Variants in GNA12 observed in about 807,000 individuals in gnomAD.
GNA12 encodes G protein subunit alpha 12.
A neutral mutation model predicts 26.0 loss-of-function variants in GNA12; 9 were observed. The ratio of observed to expected loss-of-function variants is 0.35; its 90% CI spans 0.21 to 0.60. GNA12 has a LOEUF of 0.60. GNA12 is among the 20% of genes least tolerant of loss of function. The pLI, the probability that GNA12 is intolerant of heterozygous loss-of-function variation, is 0.78. For synonymous variants in GNA12, 264 were observed against 219.6 expected, an observed-to-expected ratio of 1.20 and a Z score of -1.79; for missense variants, 405 against 525.8, an observed-to-expected ratio of 0.77 and a Z score of 2.25.
intron 2 of GNA12, 105 bp downstream of exon 2, chr7:2,794,823 T>C: frequency 2.5e-6 from 2 of 814,262 alleles, no homozygotes; most frequent in Admixed American, 4.0e-5. Flanking sequence ...ATTTAGAGCT[T>C]GCTTGGACTG....
intron 1 of GNA12, among the ~76,000 whole-genome samples, chr7:2,836,716 G>C (rs1182552765): frequency 6.6e-6 from 1 of 151,256 alleles, no homozygotes; most frequent in Non-Finnish European, 1.5e-5. Context: ...CTGAGGTCAG[G>C]AGTTCGAGAC....
At chr7:2,750,189 C>G in intron 2 of GNA12, among the ~76,000 whole-genome samples, 1 of 152,150 alleles carries the variant, frequency 6.6e-6, no homozygotes, top group Non-Finnish European at 1.5e-5. Flanking sequence ...CTCCCATCCT[C>G]ACAGCAGCGA....
intron 2 of GNA12, among the ~76,000 whole-genome samples, chr7:2,734,903 G>A (rs1409061176): frequency 6.6e-6 from 1 of 152,140 alleles, no homozygotes; most frequent in African/African-American, 2.4e-5. Context: ...GGAGTGCCAG[G>A]GTGAACGTAC....
chr7:2,806,130 T>C (rs1044338358), intron 1 of GNA12, among the ~76,000 whole-genome samples: 2 of 152,258 alleles, frequency 1.3e-5, no homozygotes, highest in African/African-American at 4.8e-5. Flanking sequence ...CTTACATTTG[T>C]GGCTCACATT....
intron 2 of GNA12, among the ~76,000 whole-genome samples, chr7:2,790,522 C>A (rs1015968863): frequency 1.2e-4 from 19 of 152,216 alleles, no homozygotes; most frequent in African/African-American, 4.3e-4. Context: ...GGGCCTGGCA[C>A]ACAGAAAGGA....
intron 2 of GNA12, among the ~76,000 whole-genome samples, chr7:2,766,180 G>A (rs1020423247): frequency 6.6e-6 from 1 of 152,016 alleles, no homozygotes; most frequent in Non-Finnish European, 1.5e-5. Flanking sequence ...CTATGCATTT[G>A]ACTACTTCAG....
intron 2 of GNA12, among the ~76,000 whole-genome samples, chr7:2,778,498 G>A (rs1792135245): frequency 6.6e-6 from 1 of 152,168 alleles, no homozygotes; most frequent in Admixed American, 6.5e-5. Context: ...TACTTACATA[G>A]AGCTGGAGGC....
chr7:2,808,002 C>A (rs545457665), intron 1 of GNA12, among the ~76,000 whole-genome samples: 1 of 152,238 alleles, frequency 6.6e-6, no homozygotes, highest in African/African-American at 2.4e-5. Context: ...TCATTTTGGG[C>A]GCTTCCTCCA....
intron 2 of GNA12, among the ~76,000 whole-genome samples, chr7:2,768,510 C>G (rs1422843252): frequency 6.6e-6 from 1 of 151,544 alleles, no homozygotes; most frequent in African/African-American, 2.4e-5. Context: ...CTGAGACATG[C>G]CCTTAAAATC....
chr7:2,783,959 A>G (rs1792298395), intron 2 of GNA12, among the ~76,000 whole-genome samples: 1 of 152,176 alleles, frequency 6.6e-6, no homozygotes, highest in Non-Finnish European at 1.5e-5. Flanking sequence ...TGCTGGGATT[A>G]CAGGCGTAAG....
At chr7:2,774,355 G>A (rs1196842178) in intron 2 of GNA12, among the ~76,000 whole-genome samples, 3 of 152,098 alleles carry the variant, frequency 2.0e-5, no homozygotes, top group South Asian at 2.1e-4. Context: ...TGGTGGGTGC[G>A]GTTTTGACTT....
At chr7:2,831,717 C>T (rs1371907941) in intron 1 of GNA12, among the ~76,000 whole-genome samples, 2 of 151,754 alleles carry the variant, frequency 1.3e-5, no homozygotes, top group Non-Finnish European at 2.9e-5. Flanking sequence ...ACTTCATTTT[C>T]TTAAAAAAAA....
chr7:2,831,259 C>T (rs192622425), intron 1 of GNA12, among the ~76,000 whole-genome samples: 1 of 151,936 alleles, frequency 6.6e-6, no homozygotes, highest in African/African-American at 2.4e-5. Flanking sequence ...CAGCTCATCT[C>T]CCAGGGAGTT....
At chr7:2,825,737 G>A (rs910034546) in intron 1 of GNA12, among the ~76,000 whole-genome samples, 4 of 152,176 alleles carry the variant, frequency 2.6e-5, no homozygotes, top group East Asian at 3.9e-4. Context: ...ACTGAAAGAA[G>A]GAGGATGCAG....
chr7:2,800,079 G>A (rs1041431418), intron 1 of GNA12, among the ~76,000 whole-genome samples: 59 of 152,322 alleles, frequency 3.9e-4, no homozygotes, highest in African/African-American at 1.3e-3. Context: ...AATGTTCACA[G>A]CAGCTCTGTT....
At chr7:2,827,629 G>C (rs555229266) in intron 1 of GNA12, among the ~76,000 whole-genome samples, 1 of 152,140 alleles carries the variant, frequency 6.6e-6, no homozygotes, top group East Asian at 1.9e-4. Context: ...GCAGAGGACA[G>C]AACAGGACTC....
At chr7:2,825,449 C>A (rs571685362) in intron 1 of GNA12, among the ~76,000 whole-genome samples, 1 of 152,218 alleles carries the variant, frequency 6.6e-6, no homozygotes, top group Non-Finnish European at 1.5e-5. Flanking sequence ...TGTATGAAGA[C>A]GCTTTCCTCT....
Position 2,742,927 on chromosome 7 carries a change from T to C in GNA12, c.526-9426A>G, listed in dbSNP as rs191427970. Among the ~76,000 whole-genome samples, 629 of 152,378 alleles carry C rather than the reference T, an allele frequency of 4.1e-3. 2 individuals are homozygous for C. The highest frequency in any genetic ancestry group is 0.034 in the Middle Eastern group (10 of 292). ...TCTGTATTCATTCTAATAATAGACC[T>C]GTAGGTTCTTCTCAATTTTCCAGGT... On this transcript the variant is annotated intron_variant, in intron 2 of 3. Coordinates refer to ENST00000275364, the MANE Select transcript of GNA12 (RefSeq NM_007353.3).
At chr7:2,751,268 C>G (rs912755047) in intron 2 of GNA12, among the ~76,000 whole-genome samples, 2 of 151,886 alleles carry the variant, frequency 1.3e-5, no homozygotes, top group African/African-American at 4.8e-5. Context: ...TGCTTGTAGT[C>G]CCAGCTACTC....
Sources: gnomAD v4.1 joint callset for allele counts (sites outside exome capture counted in the v4.1 genomes callset) on GRCh38, gnomAD v4.1.1 for gene constraint, MANE v1.5 for transcripts, NCBI Gene and HGNC (gene_info 2026-07-23, HGNC 2026-07-21) for gene names.